Variants in MTOR observed in about 807,000 individuals in gnomAD.
The protein encoded by MTOR is mechanistic target of rapamycin kinase, also known as serine/threonine-protein kinase mTOR.
In MTOR, 70 loss-of-function variants were observed where a neutral mutation model predicts 319.8. The observed-to-expected ratio is 0.22, with a 90% CI of 0.18 to 0.27. The LOEUF is 0.27. Ranked by LOEUF, MTOR falls within the 10% of genes least tolerant of loss-of-function variation. MTOR has a pLI of 1.00. For synonymous variants in MTOR, 1,183 were observed against 1,211.4 expected, an observed-to-expected ratio of 0.98 and a Z score of 0.49; for missense variants, 1,890 against 3,274.4, an observed-to-expected ratio of 0.58 and a Z score of 10.32.
At chr1:11,216,039 G>GT (rs1443853824) in intron 20 of MTOR, 109 bp downstream of exon 20, 1 of 721,768 alleles carries the variant, frequency 1.4e-6, no homozygotes, top group Non-Finnish European at 2.3e-6. Flanking sequence ...TACTAAGACT[G>GT]TAACAGCTCT....
intron 39 of MTOR, among the ~76,000 whole-genome samples, 195 bp from the exon 40 acceptor site, chr1:11,130,033 A>G (rs1643036313): frequency 6.6e-6 from 1 of 152,216 alleles, no homozygotes; most frequent in Non-Finnish European, 1.5e-5. Flanking sequence ...CATAACTGTT[A>G]TTATCTTGGG....
intron 9 of MTOR, among the ~76,000 whole-genome samples, chr1:11,242,375 C>T (rs1301186714): frequency 6.6e-6 from 1 of 152,044 alleles, no homozygotes; most frequent in East Asian, 1.9e-4. Flanking sequence ...TGGCACATGC[C>T]TGTAATCCCA....
chr1:11,197,701 C>T (rs1645832386), intron 28 of MTOR, among the ~76,000 whole-genome samples: 1 of 152,146 alleles, frequency 6.6e-6, no homozygotes, highest in African/African-American at 2.4e-5. Flanking sequence ...GCCACCACAC[C>T]CAGCTAATTT....
At chr1:11,237,794 C>A (rs764395620) in intron 13 of MTOR, 49 bp downstream of exon 13, 1 of 1,600,322 alleles carries the variant, frequency 6.2e-7, no homozygotes, top group Non-Finnish European at 8.6e-7. Flanking sequence ...GTTCTCACAG[C>A]GAGAGTCCTG....
intron 13 of MTOR, among the ~76,000 whole-genome samples, chr1:11,234,570 CTG>C (rs1647132047): frequency 6.6e-6 from 1 of 152,148 alleles, no homozygotes; most frequent in Admixed American, 6.5e-5. Flanking sequence ...CCAGAGAAGA[CTG>C]AGAAAACCAA....
intron 37 of MTOR, among the ~76,000 whole-genome samples, chr1:11,134,049 C>T (rs1416157330): frequency 1.3e-5 from 2 of 148,652 alleles, no homozygotes; most frequent in African/African-American, 5.1e-5. Context: ...GGTGACACAG[C>T]AAGACCATCT....
chr1:11,229,631 A>G (rs538154502), intron 18 of MTOR, among the ~76,000 whole-genome samples: 5 of 152,344 alleles, frequency 3.3e-5, no homozygotes, highest in African/African-American at 1.2e-4. Flanking sequence ...GATCCCATCT[A>G]GAAAGTTCAG....
chr1:11,255,445 T>C lies in MTOR; in HGVS notation c.705+547A>G, dbSNP rs116649981. 6.8e-3 allele frequency among the ~76,000 whole-genome samples: 1,037 copies of C among 151,468 alleles called. 20 individuals are homozygous for C. Among genetic ancestry groups the C allele is most frequent in the African/African-American group, 0.025 (1,009 of 41,166 alleles). On this transcript the variant is annotated intron_variant, in intron 5 of 57. Transcript: ENST00000361445. ...CCAAGTCACAGTTTAATTGGCATAT[T>C]TGCATTCTTAGTCATACATAAAATA...
At chr1:11,124,691 A>T in intron 46 of MTOR, 58 bp from the exon 47 acceptor site, 1 of 1,563,022 alleles carries the variant, frequency 6.4e-7, no homozygotes, top group Non-Finnish European at 8.7e-7. Flanking sequence ...TCTTCAGCTG[A>T]GAGCACCACT....
chr1:11,111,406 G>A (rs1336888335), intron 54 of MTOR: 3 of 221,224 alleles, frequency 1.4e-5, no homozygotes, highest in African/African-American at 2.4e-5. Context: ...GCTTGAACTC[G>A]GGAGGCAGAG....
At chr1:11,250,151 C>T (rs1414170448) in intron 6 of MTOR, among the ~76,000 whole-genome samples, 1 of 138,232 alleles carries the variant, frequency 7.2e-6, no homozygotes, top group Non-Finnish European at 1.6e-5. Context: ...ACCTCCCGGA[C>T]AGGGCGGCTG....
chr1:11,165,302 T>C (rs1644608142), intron 29 of MTOR, among the ~76,000 whole-genome samples: 1 of 152,302 alleles, frequency 6.6e-6, no homozygotes. Context: ...GGAAGTCAAA[T>C]TGTCCCTGTT....
At chr1:11,122,773 C>T (rs1481286179) in intron 47 of MTOR, among the ~76,000 whole-genome samples, 1 of 152,120 alleles carries the variant, frequency 6.6e-6, no homozygotes, top group Non-Finnish European at 1.5e-5. Flanking sequence ...TCCCAAAGTG[C>T]TGGGATTACA....
intron 28 of MTOR, among the ~76,000 whole-genome samples, chr1:11,193,143 CCA>C (rs1386216078): frequency 1.3e-5 from 2 of 151,940 alleles, no homozygotes; most frequent in African/African-American, 4.8e-5. Context: ...ATGCTGAAAC[CCA>C]GTCTCTACTA....
chr1:11,191,577 A>T (rs1206565800), intron 28 of MTOR, among the ~76,000 whole-genome samples: 1 of 152,158 alleles, frequency 6.6e-6, no homozygotes, highest in Non-Finnish European at 1.5e-5. Context: ...ATGCTCTTTG[A>T]TATTTAGAAT....
In MTOR at chr1:11,112,937, G is replaced by C. The variant is rs765871065; in HGVS notation, c.7301-20C>G. 2 of 1,605,538 alleles carry C rather than the reference G, an allele frequency of 1.2e-6. No homozygotes were observed. Among genetic ancestry groups the C allele is most frequent in the Non-Finnish European group, 8.5e-7 (1 of 1,176,164 alleles). On this transcript the variant is annotated intron_variant, in intron 53 of 57. Coordinates refer to ENST00000361445, the MANE Select transcript of MTOR (RefSeq NM_004958.4). ...TATTTGCTAGGGAGAGAAATAAAGAGTATTGAAACATGCTTCAAATTTTGA... is the reference window on the plus strand; with the variant it reads ...TATTTGCTAGGGAGAGAAATAAAGACTATTGAAACATGCTTCAAATTTTGA...
chr1:11,185,432 G>C (rs1459799012), intron 28 of MTOR, among the ~76,000 whole-genome samples: 1 of 149,954 alleles, frequency 6.7e-6, no homozygotes, highest in African/African-American at 2.5e-5. Flanking sequence ...AAAAAGAAAA[G>C]AAAGAAAGAA....
intron 11 of MTOR, 135 bp from the exon 12 acceptor site, chr1:11,238,752 G>A: frequency 1.5e-6 from 1 of 684,866 alleles, no homozygotes; most frequent in Non-Finnish European, 2.4e-6. Context: ...ATACGATACT[G>A]ACCCGGAACT....
intron 29 of MTOR, among the ~76,000 whole-genome samples, chr1:11,163,092 C>A (rs1186976383): frequency 6.6e-6 from 1 of 152,014 alleles, no homozygotes. Context: ...GGAGGAAGAT[C>A]TACCAAGCAA....
Sources: gnomAD v4.1 joint callset for allele counts (sites outside exome capture counted in the v4.1 genomes callset) on GRCh38, gnomAD v4.1.1 for gene constraint, MANE v1.5 for transcripts, NCBI Gene and HGNC (gene_info 2026-07-23, HGNC 2026-07-21) for gene names.